The following CCDC85A variants were observed in gnomAD, a reference collection of about 807,000 sequenced individuals.
CCDC85A encodes the protein coiled-coil domain containing 85A.
A neutral mutation model predicts 50.2 loss-of-function variants in CCDC85A; 38 were observed. The observed-to-expected ratio is 0.76, with a 90% CI of 0.58 to 0.99. The LOEUF is 0.99. CCDC85A is among the 50% of genes least tolerant of loss of function. The pLI, the probability that CCDC85A is intolerant of heterozygous loss-of-function variation, is 0.00. For synonymous variants in CCDC85A, 366 were observed against 301.4 expected, an observed-to-expected ratio of 1.21 and a Z score of -2.22; for missense variants, 820 against 742.0, an observed-to-expected ratio of 1.11 and a Z score of -1.22.
At chr2:56,265,767 C>T (rs1010500841) in intron 2 of CCDC85A, among the ~76,000 whole-genome samples, 1 of 152,076 alleles carries the variant, frequency 6.6e-6, no homozygotes, top group African/African-American at 2.4e-5. Flanking sequence ...TGGAATCACC[C>T]TTTGATCCAG....
chr2:56,223,993 G>A (rs1387202446), intron 2 of CCDC85A, among the ~76,000 whole-genome samples: 3 of 152,076 alleles, frequency 2.0e-5, no homozygotes, highest in Non-Finnish European at 4.4e-5. Flanking sequence ...ATCTACTAAA[G>A]TGTACAGTCC....
chr2:56,364,443 T>C (rs1053421563), intron 3 of CCDC85A, among the ~76,000 whole-genome samples: 26 of 152,244 alleles, frequency 1.7e-4, no homozygotes, highest in African/African-American at 5.8e-4. Context: ...TGCAGAGATA[T>C]TTTCATCAGT....
chr2:56,295,518 T>G (rs1317639230), intron 2 of CCDC85A, among the ~76,000 whole-genome samples: 1 of 152,142 alleles, frequency 6.6e-6, no homozygotes, highest in Non-Finnish European at 1.5e-5. Flanking sequence ...GTTGATCTCT[T>G]TGTGAAAGGA....
intron 3 of CCDC85A, among the ~76,000 whole-genome samples, chr2:56,356,813 T>C (rs1460409959): frequency 6.6e-6 from 1 of 151,094 alleles, no homozygotes; most frequent in Non-Finnish European, 1.5e-5. Flanking sequence ...CTCATGCCTG[T>C]AATCCCAGCG....
At chr2:56,281,820 C>T (rs1671219625) in intron 2 of CCDC85A, among the ~76,000 whole-genome samples, 1 of 152,040 alleles carries the variant, frequency 6.6e-6, no homozygotes, top group South Asian at 2.1e-4. Context: ...AAGCTATATA[C>T]ATATTTGTCA....
intron 3 of CCDC85A, among the ~76,000 whole-genome samples, chr2:56,345,175 G>GT (rs1220907013): frequency 6.6e-6 from 1 of 152,084 alleles, no homozygotes; most frequent in Non-Finnish European, 1.5e-5. Context: ...ACCAAGGAAG[G>GT]TTTTTTGGTT....
intron 2 of CCDC85A, among the ~76,000 whole-genome samples, chr2:56,313,085 C>T (rs968746706): frequency 5.3e-5 from 8 of 152,092 alleles, no homozygotes; most frequent in African/African-American, 1.9e-4. Context: ...CATTTGCATC[C>T]TGAAAGTCTT....
rs753705942 is a variant in CCDC85A at position 56,193,185 on chromosome 2, G to A, written c.985G>A (p.Ala329Thr). 5 of 1,612,850 alleles carry A rather than the reference G, an allele frequency of 3.1e-6. No homozygotes were observed. In the South Asian group the frequency reaches 3.3e-5, roughly 11 times the overall value. Residue 329 changes from alanine (A) to threonine (T), a missense_variant, in exon 2 of 6, where the codon GCC becomes ACC. By Grantham distance (58) the Ala-to-Thr change is moderately conservative. Coordinates refer to ENST00000407595, the MANE Select transcript of CCDC85A (RefSeq NM_001080433.2). Reference protein sequence around the residue: ...KHRSGSSPEHARHSGGSPEHL... With the variant: ...KHRSGSSPEHTRHSGGSPEHL... ...CCGGTCAGGGAGCAGCCCTGAACAC[G>A]CCAGGCACAGTGGAGGGAGCCCGGA...
intron 2 of CCDC85A, among the ~76,000 whole-genome samples, chr2:56,242,795 T>C (rs1451128962): frequency 3.3e-5 from 5 of 152,126 alleles, no homozygotes. Flanking sequence ...CATTTTTGCT[T>C]TGGGTACCTC....
chr2:56,311,342 A>G (rs1672682143), intron 2 of CCDC85A, among the ~76,000 whole-genome samples: 2 of 152,046 alleles, frequency 1.3e-5, no homozygotes, highest in African/African-American at 4.8e-5. Context: ...TTTATTTGAC[A>G]GTTTCCATCA....
intron 2 of CCDC85A, among the ~76,000 whole-genome samples, chr2:56,226,205 G>C (rs1043957167): frequency 6.6e-5 from 10 of 152,156 alleles, no homozygotes; most frequent in African/African-American, 2.4e-4. Context: ...CTTGCTCTGA[G>C]AGAAATTTAC....
At chr2:56,188,358 C>G (rs1333735130) in intron 1 of CCDC85A, among the ~76,000 whole-genome samples, 1 of 152,100 alleles carries the variant, frequency 6.6e-6, no homozygotes, top group Non-Finnish European at 1.5e-5. Context: ...GGGAGTGGGC[C>G]AATACTCACT....
At chr2:56,279,196 T>C (rs1434581922) in intron 2 of CCDC85A, among the ~76,000 whole-genome samples, 1 of 152,202 alleles carries the variant, frequency 6.6e-6, no homozygotes, top group Admixed American at 6.5e-5. Flanking sequence ...TATTATCTTC[T>C]CAAGGTCTTT....
rs112555386 is a variant in CCDC85A, at chr2:56,312,115, T to C, written c.1241-30764T>C. Reference sequence around the variant, plus strand: ...GAAGCGAAGGATAAGAAAAAATGATTAAGAGAAGCACTGAGTGAATGGTAA... The same window carrying C: ...GAAGCGAAGGATAAGAAAAAATGATCAAGAGAAGCACTGAGTGAATGGTAA... On this transcript the variant is annotated intron_variant, in intron 2 of 5. Coordinates refer to ENST00000407595, the MANE Select transcript of CCDC85A (RefSeq NM_001080433.2). 4.1e-4 allele frequency among the ~76,000 whole-genome samples: 62 copies of C among 152,222 alleles called. 1 individual carries two copies. Among genetic ancestry groups the C allele is most frequent in the African/African-American group, 1.5e-3 (61 of 41,552 alleles).
At chr2:56,350,752 CTTT>C (rs373522130) in intron 3 of CCDC85A, among the ~76,000 whole-genome samples, 2 of 129,042 alleles carry the variant, frequency 1.5e-5, no homozygotes, top group South Asian at 2.4e-4. Context: ...GAGACCTTTC[CTTT>C]TTTTTTTTTT....
chr2:56,187,535 G>A (rs372056708), intron 1 of CCDC85A, among the ~76,000 whole-genome samples: 1 of 152,152 alleles, frequency 6.6e-6, no homozygotes, highest in African/African-American at 2.4e-5. Flanking sequence ...GGCAGCTTTG[G>A]CCAATTGTTA....
At chr2:56,370,533 T>C (rs1676017800) in intron 3 of CCDC85A, among the ~76,000 whole-genome samples, 2 of 152,142 alleles carry the variant, frequency 1.3e-5, no homozygotes, top group South Asian at 2.1e-4. Flanking sequence ...CTGTTTATTG[T>C]TCCCCCTTAT....
chr2:56,217,326 G>A (rs558416915), intron 2 of CCDC85A, among the ~76,000 whole-genome samples: 44 of 151,934 alleles, frequency 2.9e-4, no homozygotes, highest in Middle Eastern at 3.4e-3. Context: ...GAGCTTTTAG[G>A]AACAGCTATT....
intron 2 of CCDC85A, among the ~76,000 whole-genome samples, chr2:56,320,554 T>A (rs1165089056): frequency 1.3e-5 from 2 of 152,140 alleles, no homozygotes; most frequent in Admixed American, 1.3e-4. Context: ...AATGGATCAA[T>A]TCCTGGAAAC....
Sources: gnomAD v4.1 joint callset for allele counts (sites outside exome capture counted in the v4.1 genomes callset) on GRCh38, gnomAD v4.1.1 for gene constraint, MANE v1.5 for transcripts, NCBI Gene and HGNC (gene_info 2026-07-23, HGNC 2026-07-21) for gene names.